The following KIAA1328 variants were observed in gnomAD, a reference collection of about 807,000 sequenced individuals.
The protein encoded by KIAA1328 is KIAA1328.
KIAA1328 carries 52 observed loss-of-function variants against 68.1 expected under a neutral mutation model. The ratio of observed to expected loss-of-function variants is 0.76; its 90% CI spans 0.61 to 0.96. The LOEUF (loss-of-function observed/expected upper bound fraction) is 0.96, where lower values mean the gene tolerates loss of function less well. Among genes scored for constraint, KIAA1328 ranks in the 40% least tolerant of loss-of-function variants. The pLI is 0.00. For synonymous variants in KIAA1328, 232 were observed against 239.4 expected, an observed-to-expected ratio of 0.97 and a Z score of 0.28; for missense variants, 641 against 677.6, an observed-to-expected ratio of 0.95 and a Z score of 0.60.
intron 6 of KIAA1328, among the ~76,000 whole-genome samples, chr18:36,972,256 A>G (rs906242463): frequency 1.3e-5 from 2 of 152,246 alleles, no homozygotes; most frequent in African/African-American, 2.4e-5. Context: ...ACCATGCACA[A>G]AAATTAAGCT....
chr18:37,105,190 T>G (rs2057735760), intron 7 of KIAA1328, among the ~76,000 whole-genome samples: 1 of 152,210 alleles, frequency 6.6e-6, no homozygotes, highest in African/African-American at 2.4e-5. Context: ...TGTAAAATTG[T>G]GTTCAGAGAC....
chr18:36,950,148 G>A (rs560215705), intron 5 of KIAA1328, among the ~76,000 whole-genome samples: 5 of 152,222 alleles, frequency 3.3e-5, no homozygotes, highest in African/African-American at 4.8e-5. Flanking sequence ...ATCAGAAAAT[G>A]TGTACTCTTT....
At chr18:37,042,864 C>T (rs534067129) in intron 6 of KIAA1328, among the ~76,000 whole-genome samples, 38 of 152,206 alleles carry the variant, frequency 2.5e-4, no homozygotes, top group African/African-American at 8.2e-4. Flanking sequence ...CTGGCTCTCC[C>T]GTTTCATGTA....
At chr18:37,134,408 T>G (rs1224268715) in intron 7 of KIAA1328, among the ~76,000 whole-genome samples, 2 of 152,188 alleles carry the variant, frequency 1.3e-5, no homozygotes, top group African/African-American at 4.8e-5. Flanking sequence ...ATGTAAATAT[T>G]TATTAATTTA....
chr18:36,900,507 A>G (rs1352484004), intron 5 of KIAA1328, among the ~76,000 whole-genome samples: 1 of 151,944 alleles, frequency 6.6e-6, no homozygotes, highest in Non-Finnish European at 1.5e-5. Context: ...ATAAGTGAGC[A>G]CTGCTGGTGT....
chr18:36,834,294 A>G (rs1226641790), intron 1 of KIAA1328, 26 bp from the exon 2 acceptor site: 1 of 1,551,728 alleles, frequency 6.4e-7, no homozygotes, highest in African/African-American at 1.4e-5. Context: ...ATATTATTGT[A>G]TTTTCCTTCA....
At chr18:36,986,045 A>AT (rs907598080) in intron 6 of KIAA1328, among the ~76,000 whole-genome samples, 1 of 152,190 alleles carries the variant, frequency 6.6e-6, no homozygotes, top group Non-Finnish European at 1.5e-5. Flanking sequence ...CCTGCAAAAT[A>AT]TTTTAACTTT....
At chr18:36,844,388 CTT>C (rs2046959230) in intron 4 of KIAA1328, 86 bp downstream of exon 4, 3 of 783,718 alleles carry the variant, frequency 3.8e-6, no homozygotes, top group East Asian at 6.2e-5. Context: ...ATTTTGATGA[CTT>C]AATATCTTTG....
intron 9 of KIAA1328, among the ~76,000 whole-genome samples, chr18:37,174,380 C>CTTT (rs757197220): frequency 2.3e-4 from 28 of 120,610 alleles, no homozygotes; most frequent in Admixed American, 5.6e-4. Flanking sequence ...TGCTTTCTTC[C>CTTT]TTTTTTTTTT....
At chr18:37,100,484 C>G (rs2057574018) in intron 7 of KIAA1328, among the ~76,000 whole-genome samples, 1 of 152,202 alleles carries the variant, frequency 6.6e-6, no homozygotes, top group South Asian at 2.1e-4. Context: ...GGGGCGCCCA[C>G]CATTGCTGAG....
intron 6 of KIAA1328, among the ~76,000 whole-genome samples, chr18:37,041,301 CCTT>C (rs753193725): frequency 1.3e-5 from 2 of 151,918 alleles, no homozygotes; most frequent in African/African-American, 2.4e-5. Flanking sequence ...TATGAAATGA[CCTT>C]CTTCATATAT....
At chr18:36,858,343 G>A (rs1235896064) in intron 4 of KIAA1328, among the ~76,000 whole-genome samples, 4 of 152,026 alleles carry the variant, frequency 2.6e-5, no homozygotes, top group South Asian at 2.1e-4. Flanking sequence ...CATTTGCATG[G>A]TATACTTTAT....
intron 7 of KIAA1328, among the ~76,000 whole-genome samples, chr18:37,144,046 G>T (rs2058840817): frequency 6.6e-6 from 1 of 151,884 alleles, no homozygotes; most frequent in Non-Finnish European, 1.5e-5. Flanking sequence ...AAGCTATCTG[G>T]GCAGTTTTCT....
At chr18:37,134,988 A>G (rs2058610581) in intron 7 of KIAA1328, among the ~76,000 whole-genome samples, 2 of 152,240 alleles carry the variant, frequency 1.3e-5, no homozygotes, top group Non-Finnish European at 2.9e-5. Context: ...TGCTTAGGAT[A>G]ATGGCCTCCA....
intron 7 of KIAA1328, among the ~76,000 whole-genome samples, chr18:37,100,649 G>T (rs918385183): frequency 6.6e-6 from 1 of 152,192 alleles, no homozygotes. Context: ...AAATGTCCCT[G>T]TCTGACAGCT....
intron 4 of KIAA1328, among the ~76,000 whole-genome samples, chr18:36,879,679 T>C (rs1395513826): frequency 6.6e-6 from 1 of 152,188 alleles, no homozygotes; most frequent in Non-Finnish European, 1.5e-5. Flanking sequence ...GAGTTTTATC[T>C]ATAAGTCCCT....
intron 7 of KIAA1328, among the ~76,000 whole-genome samples, chr18:37,072,423 AT>A (rs60359234): frequency 0.27 from 40,537 of 151,096 alleles, 8,548 homozygotes; most frequent in African/African-American, 0.59. Context: ...CTTTTTAAAG[AT>A]TTTTTTGTCT....
intron 9 of KIAA1328, among the ~76,000 whole-genome samples, chr18:37,216,241 G>T (rs1340249987): frequency 6.6e-6 from 1 of 152,070 alleles, no homozygotes; most frequent in South Asian, 2.1e-4. Flanking sequence ...TGATGTTAGG[G>T]TGTTGATTTT....
At chr18:36,861,240 T>C (rs975340045) in intron 4 of KIAA1328, among the ~76,000 whole-genome samples, 2 of 152,206 alleles carry the variant, frequency 1.3e-5, no homozygotes, top group Non-Finnish European at 2.9e-5. Context: ...ATTTGTTTTT[T>C]TTCTCAAGAT....
Sources: allele counts gnomAD v4.1 joint callset (sites outside exome capture counted in the v4.1 genomes callset), GRCh38; gene constraint gnomAD v4.1.1; transcripts MANE v1.5; gene names NCBI Gene and HGNC (gene_info 2026-07-23, HGNC 2026-07-21).